Variants in PIK3C2G observed in about 807,000 individuals in gnomAD.
The protein encoded by PIK3C2G is phosphatidylinositol 3-kinase C2 domain-containing subunit gamma.
A neutral mutation model predicts 181.1 loss-of-function variants in PIK3C2G; 168 were observed. The ratio of observed to expected loss-of-function variants is 0.93; its 90% CI spans 0.82 to 1.05. The LOEUF is 1.05. Ranked by LOEUF, PIK3C2G falls within the 50% of genes least tolerant of loss-of-function variation. The pLI, the probability that PIK3C2G is intolerant of heterozygous loss-of-function variation, is 0.00. For missense variants in PIK3C2G, 1,869 were observed against 1,732.8 expected (o/e 1.08, Z -1.40); for synonymous variants, 573 against 592.2 (o/e 0.97, Z 0.47).
intron 18 of PIK3C2G, among the ~76,000 whole-genome samples, chr12:18,442,448 A>AT (rs796746284): frequency 9.8e-5 from 15 of 152,342 alleles, no homozygotes; most frequent in African/African-American, 3.4e-4. Context: ...TGGCATGATA[A>AT]TTACAATAGC....
intron 31 of PIK3C2G, among the ~76,000 whole-genome samples, 173 bp downstream of exon 31, chr12:18,609,802 G>C (rs1948243510): frequency 6.6e-6 from 1 of 151,888 alleles, no homozygotes; most frequent in Non-Finnish European, 1.5e-5. Flanking sequence ...GTGATCCTTG[G>C]GGTAAAGACT....
chr12:18,480,271 G>A (rs185613281), intron 18 of PIK3C2G, among the ~76,000 whole-genome samples: 1 of 152,224 alleles, frequency 6.6e-6, no homozygotes, highest in East Asian at 1.9e-4. Flanking sequence ...GTCACTATAA[G>A]CTATTCACAG....
At chr12:18,246,581 G>A (rs1948042453), upstream of PIK3C2G, among the ~76,000 whole-genome samples, 1 of 151,740 alleles carries the variant, frequency 6.6e-6, no homozygotes, top group South Asian at 2.1e-4. Flanking sequence ...TTTCCCCTCT[G>A]ACTCTCAATT....
At chr12:18,564,359 G>T (rs1232306967) in intron 28 of PIK3C2G, among the ~76,000 whole-genome samples, 1 of 151,402 alleles carries the variant, frequency 6.6e-6, no homozygotes, top group East Asian at 1.9e-4. Context: ...TCTACAGTGA[G>T]ATTTTTGTTA....
chr12:18,327,613 A>AT (rs1188619208), intron 8 of PIK3C2G, among the ~76,000 whole-genome samples: 3 of 151,984 alleles, frequency 2.0e-5, no homozygotes, highest in Non-Finnish European at 2.9e-5. Flanking sequence ...TTCACTGGAC[A>AT]TTTTTTCCTC....
the PIK3C2G span, among the ~76,000 whole-genome samples, chr12:18,713,373 G>A: frequency 6.6e-6 from 1 of 152,108 alleles, no homozygotes; most frequent in Admixed American, 6.5e-5. Flanking sequence ...CCATTCAAAA[G>A]TGATAATGTT....
At chr12:18,603,754 T>C (rs1042750016) in intron 30 of PIK3C2G, among the ~76,000 whole-genome samples, 1 of 152,188 alleles carries the variant, frequency 6.6e-6, no homozygotes, top group African/African-American at 2.4e-5. Context: ...GCCAAGAGTT[T>C]TGTATCCAGC....
intron 30 of PIK3C2G, among the ~76,000 whole-genome samples, chr12:18,598,972 G>A (rs1382110933): frequency 2.0e-5 from 3 of 147,808 alleles, no homozygotes. Context: ...CAGTTAGAAT[G>A]GCAATCATTA....
At chr12:18,327,953 C>T (rs1218182881) in intron 8 of PIK3C2G, among the ~76,000 whole-genome samples, 2 of 151,834 alleles carry the variant, frequency 1.3e-5, no homozygotes, top group Non-Finnish European at 2.9e-5. Context: ...AAATCGTAGC[C>T]TTGGAGAAAG....
chr12:18,359,954 T>C (rs1371058305), intron 11 of PIK3C2G, among the ~76,000 whole-genome samples: 1 of 152,176 alleles, frequency 6.6e-6, no homozygotes, highest in African/African-American at 2.4e-5. Flanking sequence ...GGGAATTTAA[T>C]CTGTTTACTT....
At chr12:18,517,466 T>C (rs1283995612) in intron 24 of PIK3C2G, among the ~76,000 whole-genome samples, 1 of 152,174 alleles carries the variant, frequency 6.6e-6, no homozygotes, top group African/African-American at 2.4e-5. Context: ...TTAACTGTAT[T>C]CCTAGGTATT....
intron 20 of PIK3C2G, 54 bp downstream of exon 20, chr12:18,491,612 G>C (rs1238279639): frequency 2.9e-6 from 3 of 1,018,890 alleles, no homozygotes; most frequent in Non-Finnish European, 4.5e-6. Flanking sequence ...GTATAGTTTA[G>C]TTCATTGTAT....
At chr12:18,715,584 T>G in the PIK3C2G span, 2 of 152,170 alleles carry the variant, frequency 1.3e-5, no homozygotes, top group African/African-American at 4.8e-5. Flanking sequence ...GTATTTTTAG[T>G]AGAAACGGGG....
intron 8 of PIK3C2G, among the ~76,000 whole-genome samples, chr12:18,328,981 A>G (rs1335312093): frequency 3.9e-5 from 6 of 151,964 alleles, no homozygotes; most frequent in Admixed American, 3.9e-4. Flanking sequence ...TCAAGGAAAT[A>G]AAGGCAATAA....
At chr12:18,653,782 G>A in the PIK3C2G span, among the ~76,000 whole-genome samples, 4 of 152,042 alleles carry the variant, frequency 2.6e-5, no homozygotes, top group Admixed American at 2.6e-4. Context: ...ATTATAGGAG[G>A]GAAGTGGATT....
At chr12:18,545,673 A>G (rs902940246) in intron 25 of PIK3C2G, among the ~76,000 whole-genome samples, 1 of 151,922 alleles carries the variant, frequency 6.6e-6, no homozygotes, top group African/African-American at 2.4e-5. Flanking sequence ...ATCCTTAATT[A>G]TTTATTGCCT....
intron 31 of PIK3C2G, among the ~76,000 whole-genome samples, chr12:18,621,579 TTATA>T (rs71846830): frequency 6.6e-6 from 1 of 151,706 alleles, no homozygotes; most frequent in Admixed American, 6.6e-5. Context: ...ATAACATGTT[TTATA>T]TATATGTTAT....
chr12:18,578,206 C>T (rs1182293675), intron 29 of PIK3C2G, among the ~76,000 whole-genome samples: 2 of 152,148 alleles, frequency 1.3e-5, no homozygotes, highest in Non-Finnish European at 2.9e-5. Context: ...GAATCAGACA[C>T]AATGCTGCCA....
chr12:18,605,599 A>G (rs1288128730), intron 30 of PIK3C2G, among the ~76,000 whole-genome samples: 1 of 152,188 alleles, frequency 6.6e-6, no homozygotes, highest in East Asian at 1.9e-4. Context: ...CTACAGACCT[A>G]TATCCTTGAT....
Sources: allele counts gnomAD v4.1 joint callset (sites outside exome capture counted in the v4.1 genomes callset), GRCh38; gene constraint gnomAD v4.1.1; transcripts MANE v1.5; gene names NCBI Gene and HGNC (gene_info 2026-07-23, HGNC 2026-07-21).